The following PLCL1 variants were observed in gnomAD, a reference collection of about 807,000 sequenced individuals.
The protein encoded by PLCL1 is inactive phospholipase C-like protein 1.
A neutral mutation model predicts 84.4 loss-of-function variants in PLCL1; 41 were observed. The observed-to-expected ratio is 0.49, with a 90% CI of 0.38 to 0.63. The LOEUF (loss-of-function observed/expected upper bound fraction) is 0.63, where lower values mean the gene tolerates loss of function less well. Among genes scored for constraint, PLCL1 ranks in the 30% least tolerant of loss-of-function variants. The probability of loss-of-function intolerance (pLI) is 0.00; values close to 1 mark genes in which losing one functional copy is unlikely to be tolerated. For synonymous variants in PLCL1, 490 were observed against 488.3 expected (o/e 1.00, Z -0.05); for missense variants, 1,206 against 1,367.8 (o/e 0.88, Z 1.87).
chr2:198,081,271 C>G (rs974817919), intron 1 of PLCL1, among the ~76,000 whole-genome samples: 5 of 152,182 alleles, frequency 3.3e-5, no homozygotes, highest in Admixed American at 1.3e-4. Context: ...TGTGAAAGCT[C>G]TCATTAGCTT....
chr2:197,835,413 C>T (rs1691165483), intron 1 of PLCL1, among the ~76,000 whole-genome samples: 1 of 152,152 alleles, frequency 6.6e-6, no homozygotes, highest in Non-Finnish European at 1.5e-5. Context: ...GTATACAGGT[C>T]CATAACATTT....
intron 1 of PLCL1, among the ~76,000 whole-genome samples, chr2:198,041,941 C>T (rs1006301151): frequency 2.0e-5 from 3 of 152,112 alleles, no homozygotes; most frequent in African/African-American, 7.2e-5. Context: ...GGGTATCCCC[C>T]CTTCCTTGAT....
At chr2:197,939,548 T>A (rs942507178) in intron 1 of PLCL1, among the ~76,000 whole-genome samples, 4 of 152,148 alleles carry the variant, frequency 2.6e-5, no homozygotes, top group African/African-American at 9.7e-5. Flanking sequence ...TCCTGGTTTC[T>A]TCATGTGGTC....
chr2:197,990,083 GTC>G, intron 1 of PLCL1, among the ~76,000 whole-genome samples: 1 of 152,274 alleles, frequency 6.6e-6, no homozygotes. Context: ...TCTTTATAGA[GTC>G]TCTCATGTTA....
Position 197,805,398 on chromosome 2 carries a change from C to T in PLCL1, c.240+59C>T, listed in dbSNP as rs765135170. ...TGTGGGTGATGGGTGGGTCAGGGAC[C>T]CGGGCAGGATGTGCGGTGTCCGGAG... is the stretch of plus-strand genomic sequence containing the variant. On this transcript the variant is annotated intron_variant, in intron 1 of 5. Coordinates refer to ENST00000428675, the MANE Select transcript of PLCL1 (RefSeq NM_006226.4). This position sits in a 1 kb window ranked among gnomAD's most constrained non-coding sequence, Gnocchi z 4.0. 6.1e-6 allele frequency: 8 copies of T among 1,304,744 alleles called. No homozygotes were observed. Among genetic ancestry groups the T allele is most frequent in the Non-Finnish European group, 7.8e-6 (8 of 1,031,122 alleles). The allele number at this position is 1,304,744 out of a possible 1,614,324, so 80.8% of individuals were successfully genotyped here.
At chr2:198,010,310 T>C (rs1690836560) in intron 1 of PLCL1, among the ~76,000 whole-genome samples, 1 of 151,986 alleles carries the variant, frequency 6.6e-6, no homozygotes, top group African/African-American at 2.4e-5. Context: ...GCATTTCATA[T>C]ATGGCTTTTA....
intron 1 of PLCL1, among the ~76,000 whole-genome samples, chr2:198,026,461 A>G (rs183226986): frequency 6.6e-6 from 1 of 152,286 alleles, no homozygotes; most frequent in East Asian, 1.9e-4. Context: ...AGTTGTTATC[A>G]TTTCTATGTT....
At chr2:198,030,795 G>C (rs1288222117) in intron 1 of PLCL1, among the ~76,000 whole-genome samples, 1 of 152,144 alleles carries the variant, frequency 6.6e-6, no homozygotes, top group Non-Finnish European at 1.5e-5. Context: ...AATTCTCACT[G>C]ACATGTTTTC....
At chr2:198,018,224 C>G (rs1040473939) in intron 1 of PLCL1, among the ~76,000 whole-genome samples, 5 of 152,196 alleles carry the variant, frequency 3.3e-5, no homozygotes, top group African/African-American at 4.8e-5. Flanking sequence ...TTCCCACAGT[C>G]TTCGCAACCT....
At chr2:197,949,538 T>C (rs1411864582) in intron 1 of PLCL1, among the ~76,000 whole-genome samples, 2 of 152,160 alleles carry the variant, frequency 1.3e-5, no homozygotes, top group Non-Finnish European at 2.9e-5. Context: ...GATAATTCAC[T>C]TAGGGATACA....
chr2:198,023,168 A>C (rs1691180167), intron 1 of PLCL1, among the ~76,000 whole-genome samples: 1 of 152,252 alleles, frequency 6.6e-6, no homozygotes, highest in Non-Finnish European at 1.5e-5. Flanking sequence ...CTAGTTAATG[A>C]GTGGTGTTGG....
rs1176775670 is a variant in PLCL1, at chr2:198,084,651, C to G, written c.1134C>G (p.Thr378=). Residue 378 remains threonine (T), a synonymous_variant, in exon 2 of 6, where the codon ACC becomes ACG. Transcript: ENST00000428675. ...GGTTTCTTGCAATTGATGGCTTTAC[C>G]CAGTATTTATTGTCATCAGAATGTG... is the stretch of plus-strand genomic sequence containing the variant. ...QKGFLAIDGF[T]QYLLSSECDI... The G allele has an allele frequency of 6.2e-7, 1 of 1,613,950 alleles. No individual in the cohort carries two copies.
At chr2:197,971,516 C>T (rs894312482) in intron 1 of PLCL1, among the ~76,000 whole-genome samples, 2 of 152,146 alleles carry the variant, frequency 1.3e-5, no homozygotes, top group African/African-American at 4.8e-5. Context: ...TAGGCTGTTC[C>T]ATTGGCTAAG....
At chr2:197,862,281 T>C (rs909937537) in intron 1 of PLCL1, among the ~76,000 whole-genome samples, 6 of 152,190 alleles carry the variant, frequency 3.9e-5, no homozygotes, top group Non-Finnish European at 8.8e-5. Flanking sequence ...GTTCTTTATA[T>C]AACTGACAAT....
chr2:197,851,192 A>G (rs1217747624), intron 1 of PLCL1, among the ~76,000 whole-genome samples: 1 of 152,248 alleles, frequency 6.6e-6, no homozygotes, highest in African/African-American at 2.4e-5. Flanking sequence ...TCCAGGAAAT[A>G]AACCTAAGAG....
intron 1 of PLCL1, among the ~76,000 whole-genome samples, chr2:197,919,641 C>A (rs955777056): frequency 6.6e-6 from 1 of 152,156 alleles, no homozygotes; most frequent in African/African-American, 2.4e-5. Flanking sequence ...CTTGTAATCA[C>A]CAATGATACA....
intron 1 of PLCL1, among the ~76,000 whole-genome samples, chr2:197,816,774 T>G (rs2106416756): frequency 6.6e-6 from 1 of 152,286 alleles, no homozygotes; most frequent in East Asian, 1.9e-4. Flanking sequence ...ATGGTCAAGA[T>G]TTCCTCCTAA....
rs1465840985 is a variant in PLCL1, at chr2:198,085,088, A to G, written c.1571A>G (p.Glu524Gly). Reference protein sequence around the residue: ...KLYTEAPLPSESYLPSPEKLK... With the variant: ...KLYTEAPLPSGSYLPSPEKLK... ...TATACTGAAGCACCTTTGCCCTCAG[A>G]ATCCTACCTCCCATCACCAGAAAAA... The change falls in exon 2 of 6, where the codon GAA (glutamate) becomes GGA (glycine). Residue 524 changes from glutamate (E) to glycine (G), a missense_variant. Coordinates refer to ENST00000428675, the MANE Select transcript of PLCL1 (RefSeq NM_006226.4). The surrounding 1 kb of genome is among the most constrained non-coding windows in gnomAD (Gnocchi z 5.3). 6.2e-6 allele frequency: 10 copies of G among 1,613,986 alleles called. No individual in the cohort carries two copies. Among genetic ancestry groups the G allele is most frequent in the Non-Finnish European group, 8.5e-6 (10 of 1,179,976 alleles).
rs1002711940 is a variant in PLCL1, at chr2:198,028,688, A to G, written c.241-55070A>G. ...CATCACATCACATTGACCTTCTCCT[A>G]TTCGGGGAGAAGGGTATTTATTGCC... On this transcript the variant is annotated intron_variant, in intron 1 of 5. Transcript: ENST00000428675. 1.7e-4 allele frequency among the ~76,000 whole-genome samples: 26 copies of G among 152,128 alleles called. 1 individual carries two copies. The highest frequency in any genetic ancestry group is 1.7e-3 in the Admixed American group (26 of 15,262).
Sources: allele counts gnomAD v4.1 joint callset (sites outside exome capture counted in the v4.1 genomes callset), GRCh38; gene constraint gnomAD v4.1.1; non-coding constraint Gnocchi (gnomAD v3.1); transcripts MANE v1.5; gene names NCBI Gene and HGNC (gene_info 2026-07-23, HGNC 2026-07-21).